Variants in YME1L1 observed in about 807,000 individuals in gnomAD.
YME1L1 encodes YME1 like 1 ATPase.
A neutral mutation model predicts 90.4 loss-of-function variants in YME1L1; 39 were observed. The observed-to-expected ratio is 0.43, with a 90% CI of 0.33 to 0.56. The LOEUF is 0.56. Among genes scored for constraint, YME1L1 ranks in the 20% least tolerant of loss-of-function variants. The pLI is 0.03. For synonymous variants in YME1L1, 284 were observed against 287.3 expected, an observed-to-expected ratio of 0.99 and a Z score of 0.12; for missense variants, 617 against 868.4, an observed-to-expected ratio of 0.71 and a Z score of 3.64.
At chr10:27,125,098 G>C (rs1378370126) in intron 9 of YME1L1, among the ~76,000 whole-genome samples, 1 of 152,056 alleles carries the variant, frequency 6.6e-6, no homozygotes, top group Non-Finnish European at 1.5e-5. Context: ...GCATTAAAAA[G>C]GAGTGTCATC....
chr10:27,123,114 G>A, intron 10 of YME1L1, 141 bp from the exon 11 acceptor site: 2 of 1,060,696 alleles, frequency 1.9e-6, no homozygotes, highest in South Asian at 1.7e-5. Context: ...ATTTTTTACT[G>A]ACTTAAAAAT....
Position 27,145,424 on chromosome 10 carries a change from A to G in YME1L1, c.331+4T>C. 1.3e-6 allele frequency: 2 copies of G among 1,596,238 alleles called. No homozygotes were observed. The highest frequency in any genetic ancestry group is 1.3e-5 in the African/African-American group (1 of 74,714). On this transcript the variant is annotated splice_donor_region_variant and intron_variant, in intron 3 of 18. Transcript: ENST00000376016. ...TAATTGGAACAAAAAACACATTAAC[A>G]TACCATATTTATTTTCAAAGAAGGA... is the stretch of plus-strand genomic sequence containing the variant.
chr10:27,134,791 G>T (rs565743259), intron 6 of YME1L1, 40 bp downstream of exon 6: 8 of 1,603,238 alleles, frequency 5.0e-6, no homozygotes, highest in South Asian at 3.3e-5. Flanking sequence ...CTTCCTTTCA[G>T]TTACTCTTCT....
chr10:27,144,970 T>C (rs1588613567), intron 3 of YME1L1, among the ~76,000 whole-genome samples: 1 of 152,068 alleles, frequency 6.6e-6, no homozygotes, highest in African/African-American at 2.4e-5. Context: ...TGAAACCCCA[T>C]CTCTACTAAA....
intron 10 of YME1L1, 86 bp from the exon 11 acceptor site, chr10:27,123,059 C>A: frequency 6.8e-7 from 1 of 1,475,466 alleles, no homozygotes; most frequent in Non-Finnish European, 9.1e-7. Context: ...TCCTATACAA[C>A]TGTCAAAAGC....
At chr10:27,132,995 A>G (rs2056992187) in intron 7 of YME1L1, among the ~76,000 whole-genome samples, 2 of 152,174 alleles carry the variant, frequency 1.3e-5, no homozygotes, top group South Asian at 4.1e-4. Context: ...AAGTATGTTA[A>G]TTCTCAGGCC....
chr10:27,149,116 TTTG>T, intron 1 of YME1L1, 76 bp from the exon 2 acceptor site: 1 of 1,335,886 alleles, frequency 7.5e-7, no homozygotes, highest in Non-Finnish European at 1.0e-6. Context: ...TTTGTCAGGA[TTTG>T]TTAAGAGTTA....
chr10:27,136,513 G>C (rs10829194), intron 4 of YME1L1, 128 bp from the exon 5 acceptor site: 1 of 717,902 alleles, frequency 1.4e-6, no homozygotes, highest in Non-Finnish European at 2.3e-6. Flanking sequence ...ACTTCAATAC[G>C]TTTTCCTTTG....
intron 4 of YME1L1, among the ~76,000 whole-genome samples, chr10:27,141,205 G>A (rs1296282871): frequency 3.3e-5 from 5 of 152,052 alleles, no homozygotes; most frequent in Admixed American, 1.3e-4. Context: ...AGACCAGCCC[G>A]GCCAACATGG....
intron 1 of YME1L1, among the ~76,000 whole-genome samples, chr10:27,149,711 C>CAAAAAAAAAAAAAAAAAAAAAAAAA (rs58900380): frequency 3.1e-5 from 1 of 32,362 alleles, no homozygotes; most frequent in South Asian, 1.2e-3. Flanking sequence ...ACCTGTCTCT[C>CAAAAAAAAAAAAAAAAAAAAAAAAA]AAAAAAAAAA....
In YME1L1 at chr10:27,145,602, T is replaced by TG. The variant is rs1270319768; in HGVS notation, c.169-13dup. ...AAGTTAAGTGAAGGCTGTAAAAGATTGGGTCAACCAGGTATGCATTAATAT... is the reference window on the plus strand; with the variant it reads ...AAGTTAAGTGAAGGCTGTAAAAGATTGGGGTCAACCAGGTATGCATTAATAT... On this transcript the variant is annotated splice_polypyrimidine_tract_variant and intron_variant, in intron 2 of 18. Transcript: ENST00000376016. 1.2e-6 allele frequency: 2 copies of TG among 1,607,366 alleles called. No homozygotes were observed. The highest frequency in any genetic ancestry group is 2.7e-5 in the African/African-American group (2 of 74,770).
At chr10:27,112,185 AAGAG>A in intron 18 of YME1L1, 65 bp from the exon 19 acceptor site, 1 of 1,472,840 alleles carries the variant, frequency 6.8e-7, no homozygotes, top group Non-Finnish European at 9.2e-7. Flanking sequence ...AGTCAATGGG[AAGAG>A]AAAGAAAAAC....
At chr10:27,115,493 T>TA (rs1177341059) in intron 17 of YME1L1, among the ~76,000 whole-genome samples, 2 of 151,752 alleles carry the variant, frequency 1.3e-5, no homozygotes, top group Admixed American at 1.3e-4. Context: ...TGTATTTTTT[T>TA]AGAGATGGGG....
intron 10 of YME1L1, 127 bp from the exon 11 acceptor site, chr10:27,123,100 C>T (rs1347233467): frequency 5.8e-6 from 7 of 1,205,710 alleles, no homozygotes; most frequent in South Asian, 3.1e-5. Flanking sequence ...AAGAAAAGGA[C>T]GTCATTTTTT....
At chr10:27,146,529 T>C in intron 2 of YME1L1, 1 of 152,246 alleles carries the variant, frequency 6.6e-6, no homozygotes. Flanking sequence ...GCCAGGAGTT[T>C]GAGACCAGCC....
In YME1L1 at chr10:27,149,036, G is replaced by A. The variant is rs780928887; in HGVS notation, c.38C>T (p.Thr13Ile). The A allele has an allele frequency of 6.3e-6, 10 of 1,591,554 alleles. No individual in the cohort carries two copies. Among genetic ancestry groups the A allele is most frequent in the East Asian group, 2.2e-5 (1 of 44,654 alleles). Residue 13 changes from threonine (T) to isoleucine (I), a missense_variant, in exon 2 of 19, where the codon ACA becomes ATA. By Grantham distance (89) the Thr-to-Ile change is moderately conservative (BLOSUM62 -1). Coordinates refer to ENST00000376016, the MANE Select transcript of YME1L1 (RefSeq NM_014263.4). The stretch of plus-strand genomic sequence containing the variant: ...ATTGATGAGATGACTCAGAGGAACT[G>A]TAACCTAGAAAAAGATAAAAGTTAA... ...SLSSTVQPQV[T>I]VPLSHLINAF...
intron 4 of YME1L1, among the ~76,000 whole-genome samples, chr10:27,141,379 A>G (rs1232799310): frequency 6.6e-6 from 1 of 152,174 alleles, no homozygotes; most frequent in Admixed American, 6.5e-5. Flanking sequence ...CTCAAAAACA[A>G]AACAAAACAA....
chr10:27,117,020 A>G (rs1256853861), intron 15 of YME1L1, among the ~76,000 whole-genome samples: 1 of 152,230 alleles, frequency 6.6e-6, no homozygotes, highest in Non-Finnish European at 1.5e-5. Flanking sequence ...CATGTTGCTG[A>G]AAGCTGGTCA....
intron 9 of YME1L1, among the ~76,000 whole-genome samples, chr10:27,124,112 A>C (rs2056894147): frequency 6.6e-6 from 1 of 152,244 alleles, no homozygotes; most frequent in Non-Finnish European, 1.5e-5. Context: ...ACATTTAAAC[A>C]AGACTGAGAG....
Sources: gnomAD v4.1 joint callset for allele counts (sites outside exome capture counted in the v4.1 genomes callset) on GRCh38, gnomAD v4.1.1 for gene constraint, MANE v1.5 for transcripts, NCBI Gene and HGNC (gene_info 2026-07-23, HGNC 2026-07-21) for gene names.